SRRM4: variants seen among roughly 807,000 people sequenced by gnomAD.
The protein encoded by SRRM4 is serine/arginine repetitive matrix 4, also known as serine/arginine repetitive matrix protein 4.
A neutral mutation model predicts 68.9 loss-of-function variants in SRRM4; 33 were observed. That is an observed-to-expected ratio of 0.48 (90% confidence interval 0.36 to 0.64). The LOEUF (loss-of-function observed/expected upper bound fraction) is 0.64, where lower values mean the gene tolerates loss of function less well. SRRM4 is among the 30% of genes least tolerant of loss of function. The probability of loss-of-function intolerance (pLI) is 0.00; values close to 1 mark genes in which losing one functional copy is unlikely to be tolerated. For synonymous variants in SRRM4, 318 were observed against 318.8 expected (o/e 1.00, Z 0.03); for missense variants, 817 against 827.1 (o/e 0.99, Z 0.15).
chr12:119,130,925 T>TTAATTCAA, intron 8 of SRRM4, 91 bp downstream of exon 8: 1 of 1,269,710 alleles, frequency 7.9e-7, no homozygotes, highest in South Asian at 1.6e-5. Flanking sequence ...ATGGTACACT[T>TTAATTCAA]TAATTCAATT....
rs928058569 is a variant in SRRM4, at chr12:119,069,301, C to T, written c.132-32935C>T. 5.7e-4 allele frequency among the ~76,000 whole-genome samples: 87 copies of T among 152,130 alleles called. 1 individual carries two copies. The highest frequency in any genetic ancestry group is 1.9e-3 in the African/African-American group (77 of 41,418). On this transcript the variant is annotated intron_variant, in intron 1 of 12. Coordinates refer to ENST00000267260, the MANE Select transcript of SRRM4 (RefSeq NM_194286.4). ...GATGCTGGAGTCCACCCCTCCTTCA[C>T]GATGACCAATTAGATCAGAATCCCC...
At chr12:119,148,751 T>G (rs1305639094) in intron 9 of SRRM4, among the ~76,000 whole-genome samples, 1 of 152,228 alleles carries the variant, frequency 6.6e-6, no homozygotes, top group Non-Finnish European at 1.5e-5. Context: ...CCTGTTTAAT[T>G]TGATCTCCAT....
intron 1 of SRRM4, among the ~76,000 whole-genome samples, chr12:119,096,097 T>C (rs1262976413): frequency 6.6e-6 from 1 of 151,472 alleles, no homozygotes; most frequent in African/African-American, 2.4e-5. Context: ...CTCAGCTCAC[T>C]GCAAGCTCTG....
chr12:119,147,476 T>A (rs904357517), intron 9 of SRRM4, among the ~76,000 whole-genome samples: 1 of 152,204 alleles, frequency 6.6e-6, no homozygotes, highest in Admixed American at 6.5e-5. Context: ...GTGATAATGA[T>A]GTGTCAATGG....
chr12:118,982,415 A>G (rs973905296), intron 1 of SRRM4, among the ~76,000 whole-genome samples: 2 of 152,184 alleles, frequency 1.3e-5, no homozygotes, highest in African/African-American at 2.4e-5. Context: ...AGCCAGCTCA[A>G]GCAGCGTTCA....
At chr12:119,084,748 G>C (rs1953969563) in intron 1 of SRRM4, among the ~76,000 whole-genome samples, 1 of 152,068 alleles carries the variant, frequency 6.6e-6, no homozygotes, top group Non-Finnish European at 1.5e-5. Flanking sequence ...GCAATGGAGG[G>C]GGATTGTGCA....
chr12:119,047,328 T>G (rs1177111387), intron 1 of SRRM4, among the ~76,000 whole-genome samples: 1 of 151,954 alleles, frequency 6.6e-6, no homozygotes, highest in East Asian at 1.9e-4. Context: ...ATTATTAACT[T>G]TAAAATTTTT....
chr12:119,121,961 C>G lies in SRRM4; in HGVS notation c.465-109C>G, dbSNP rs555517030. 8.2e-6 allele frequency: 6 copies of G among 733,932 alleles called. No individual in the cohort carries two copies. In the East Asian group the frequency reaches 1.5e-4, roughly 19 times the overall value. 45.5% of individuals were successfully genotyped at this position (733,932 alleles called of 1,614,324 possible). On this transcript the variant is annotated intron_variant, in intron 5 of 12. Coordinates refer to ENST00000267260, the MANE Select transcript of SRRM4 (RefSeq NM_194286.4). ...TCCAGTCTGAGGCAATGATCAGTGTCCATTCCAAAACTGCCTGGATCTCAC... is the reference window on the plus strand; with the variant it reads ...TCCAGTCTGAGGCAATGATCAGTGTGCATTCCAAAACTGCCTGGATCTCAC...
At chr12:119,155,340 C>T (rs1167874707) in intron 12 of SRRM4, among the ~76,000 whole-genome samples, 3 of 152,216 alleles carry the variant, frequency 2.0e-5, no homozygotes. Flanking sequence ...AGTCCAGACA[C>T]TGGACTGAGG....
At chr12:119,115,618 G>C (rs1954174686) in intron 3 of SRRM4, among the ~76,000 whole-genome samples, 1 of 152,188 alleles carries the variant, frequency 6.6e-6, no homozygotes, top group Non-Finnish European at 1.5e-5. Context: ...TATGGATGAA[G>C]ACTCTGAGTC....
At chr12:119,024,215 C>G (rs1175923234) in intron 1 of SRRM4, among the ~76,000 whole-genome samples, 3 of 152,170 alleles carry the variant, frequency 2.0e-5, no homozygotes, top group African/African-American at 7.2e-5. Flanking sequence ...AGGAGGTGCT[C>G]TGCCCGAAGT....
At chr12:119,033,388 G>A (rs956533705) in intron 1 of SRRM4, among the ~76,000 whole-genome samples, 10 of 152,028 alleles carry the variant, frequency 6.6e-5, no homozygotes, top group Admixed American at 2.6e-4. Context: ...TTTCTCAGCC[G>A]GGTGCGGTGG....
At chr12:119,056,729 A>G (rs886672584) in intron 1 of SRRM4, among the ~76,000 whole-genome samples, 2 of 151,068 alleles carry the variant, frequency 1.3e-5, no homozygotes, top group Non-Finnish European at 3.0e-5. Context: ...TTTTTTTGCC[A>G]TTCAGATTTC....
At chr12:119,120,757 C>T (rs1466828191) in intron 5 of SRRM4, among the ~76,000 whole-genome samples, 2 of 151,616 alleles carry the variant, frequency 1.3e-5, no homozygotes, top group Non-Finnish European at 2.9e-5. Flanking sequence ...TCATTAATCC[C>T]TACCACAACC....
chr12:118,995,529 C>A (rs1241078233), intron 1 of SRRM4, among the ~76,000 whole-genome samples: 1 of 152,210 alleles, frequency 6.6e-6, no homozygotes, highest in African/African-American at 2.4e-5. Flanking sequence ...ATCTGTCCAC[C>A]TGCACTGCCC....
intron 4 of SRRM4, among the ~76,000 whole-genome samples, chr12:119,118,876 G>A (rs927475032): frequency 1.3e-5 from 2 of 152,010 alleles, no homozygotes; most frequent in African/African-American, 2.4e-5. Context: ...CAGAGTAGGG[G>A]GTTCATATGA....
chr12:119,031,725 T>A (rs148629477), intron 1 of SRRM4, among the ~76,000 whole-genome samples: 1 of 152,208 alleles, frequency 6.6e-6, no homozygotes, highest in Non-Finnish European at 1.5e-5. Flanking sequence ...ATCCTGTTTT[T>A]ATTTGCATTT....
intron 1 of SRRM4, among the ~76,000 whole-genome samples, chr12:119,084,718 G>A (rs1289906321): frequency 6.6e-6 from 1 of 152,036 alleles, no homozygotes; most frequent in Non-Finnish European, 1.5e-5. Context: ...TCATAGTCCG[G>A]TGGGGCAAAA....
chr12:119,063,996 T>A (rs1046041037), intron 1 of SRRM4, among the ~76,000 whole-genome samples: 1 of 152,178 alleles, frequency 6.6e-6, no homozygotes, highest in Non-Finnish European at 1.5e-5. Flanking sequence ...GCTCATACTT[T>A]CAAAAAGAAA....
Sources: gnomAD v4.1 joint callset for allele counts (sites outside exome capture counted in the v4.1 genomes callset) on GRCh38, gnomAD v4.1.1 for gene constraint, MANE v1.5 for transcripts, NCBI Gene and HGNC (gene_info 2026-07-23, HGNC 2026-07-21) for gene names.